Variants in MGAT4C observed in about 807,000 individuals in gnomAD.
MGAT4C encodes MGAT4 family member C.
MGAT4C carries 19 observed loss-of-function variants against 40.1 expected under a neutral mutation model. The observed-to-expected ratio is 0.47, with a 90% CI of 0.33 to 0.70. The LOEUF is 0.70. Among genes scored for constraint, MGAT4C ranks in the 30% least tolerant of loss-of-function variants. MGAT4C has a pLI of 0.02. For synonymous variants in MGAT4C, 181 were observed against 187.1 expected, an observed-to-expected ratio of 0.97 and a Z score of 0.27; for missense variants, 491 against 563.2, an observed-to-expected ratio of 0.87 and a Z score of 1.30.
At chr12:86,207,570 A>G (rs1950306535) in intron 1 of MGAT4C, among the ~76,000 whole-genome samples, 1 of 65,142 alleles carries the variant, frequency 1.5e-5, no homozygotes, top group African/African-American at 4.1e-5. Context: ...TCTAATGAAG[A>G]AGGAGAAAGG....
At chr12:86,489,089 CTGTGCCTATCT>C (rs1958079436) in intron 2 of MGAT4C, among the ~76,000 whole-genome samples, 1 of 152,134 alleles carries the variant, frequency 6.6e-6, no homozygotes, top group South Asian at 2.1e-4. Flanking sequence ...ACAGCCTGCC[CTGTGCCTATCT>C]TGTGCCTATA....
chr12:86,013,389 C>T (rs1173259397), intron 2 of MGAT4C, among the ~76,000 whole-genome samples: 1 of 152,070 alleles, frequency 6.6e-6, no homozygotes, highest in Non-Finnish European at 1.5e-5. Flanking sequence ...CTACAGGCGC[C>T]TGCCACCACG....
chr12:86,038,387 G>T (rs1269574167), intron 2 of MGAT4C, among the ~76,000 whole-genome samples: 1 of 149,336 alleles, frequency 6.7e-6, no homozygotes, highest in Non-Finnish European at 1.5e-5. Context: ...AAGTCTCTTT[G>T]TAGGTCTCTA....
At chr12:86,081,225 A>G (rs1199884046) in intron 1 of MGAT4C, among the ~76,000 whole-genome samples, 2 of 152,202 alleles carry the variant, frequency 1.3e-5, no homozygotes, top group African/African-American at 4.8e-5. Flanking sequence ...TTTGCTCCCA[A>G]GATGCATCCT....
intron 3 of MGAT4C, among the ~76,000 whole-genome samples, chr12:86,396,212 C>T (rs1332122715): frequency 6.6e-6 from 1 of 152,082 alleles, no homozygotes; most frequent in East Asian, 1.9e-4. Flanking sequence ...AATATTGATA[C>T]CCAGGCTCCA....
chr12:86,444,104 A>T (rs1957290545), intron 2 of MGAT4C, among the ~76,000 whole-genome samples: 1 of 152,100 alleles, frequency 6.6e-6, no homozygotes, highest in Non-Finnish European at 1.5e-5. Flanking sequence ...CAAAATATTT[A>T]TTTTCTCATT....
chr12:86,378,957 C>A (rs1382739644), intron 3 of MGAT4C, among the ~76,000 whole-genome samples: 2 of 152,022 alleles, frequency 1.3e-5, no homozygotes, highest in Non-Finnish European at 2.9e-5. Context: ...TATTGGAGCT[C>A]TTAGAATCAA....
At chr12:86,135,401 A>G (rs1157618230) in intron 1 of MGAT4C, among the ~76,000 whole-genome samples, 1 of 152,106 alleles carries the variant, frequency 6.6e-6, no homozygotes, top group African/African-American at 2.4e-5. Flanking sequence ...TTCAGTTCAA[A>G]TTTCAAATTC....
intron 1 of MGAT4C, among the ~76,000 whole-genome samples, chr12:86,149,955 G>C (rs1325130541): frequency 6.6e-6 from 1 of 152,122 alleles, no homozygotes; most frequent in African/African-American, 2.4e-5. Context: ...TCATTTCACT[G>C]TATTTGTGCA....
chr12:85,985,143 T>G (rs982141822), intron 3 of MGAT4C, among the ~76,000 whole-genome samples: 3 of 152,202 alleles, frequency 2.0e-5, no homozygotes, highest in African/African-American at 7.2e-5. Flanking sequence ...TATAAGACTG[T>G]AGAGAAAGTA....
intron 2 of MGAT4C, among the ~76,000 whole-genome samples, chr12:86,452,177 A>G: frequency 6.7e-6 from 1 of 150,048 alleles, no homozygotes; most frequent in Non-Finnish European, 1.5e-5. Flanking sequence ...AGTACTAACT[A>G]GGGCCATTCT....
At chr12:86,624,956 T>A (rs763221069) in intron 2 of MGAT4C, among the ~76,000 whole-genome samples, 1 of 152,026 alleles carries the variant, frequency 6.6e-6, no homozygotes, top group African/African-American at 2.4e-5. Flanking sequence ...ATCCTGATAA[T>A]CCCCACGTGT....
chr12:86,264,378 GTGTT>G (rs373593829), intron 4 of MGAT4C, among the ~76,000 whole-genome samples: 45 of 152,202 alleles, frequency 3.0e-4, no homozygotes, highest in African/African-American at 9.9e-4. Context: ...GATAGGAGCC[GTGTT>G]TGTTTGTTTT....
chr12:86,262,285 C>T (rs1592610982), intron 4 of MGAT4C, among the ~76,000 whole-genome samples: 1 of 152,120 alleles, frequency 6.6e-6, no homozygotes, highest in Non-Finnish European at 1.5e-5. Flanking sequence ...ACTCCTTATT[C>T]TCACATGTCA....
chr12:86,450,764 T>C (rs74867440), intron 2 of MGAT4C, among the ~76,000 whole-genome samples: 4,154 of 106,996 alleles, frequency 0.039, 158 homozygotes, highest in African/African-American at 0.11. Context: ...CATTTATCTG[T>C]ATGTATGAAT....
intron 2 of MGAT4C, among the ~76,000 whole-genome samples, chr12:86,588,826 C>T (rs1019948598): frequency 1.1e-4 from 17 of 151,758 alleles, no homozygotes; most frequent in Non-Finnish European, 1.6e-4. Context: ...GAAATGAAGG[C>T]AGAAATAAAG....
At chr12:86,254,354 A>G (rs895124625) in intron 1 of MGAT4C, among the ~76,000 whole-genome samples, 1 of 152,072 alleles carries the variant, frequency 6.6e-6, no homozygotes, top group Non-Finnish European at 1.5e-5. Flanking sequence ...GTCACCATCA[A>G]TGTAGTGCAT....
intron 2 of MGAT4C, among the ~76,000 whole-genome samples, chr12:86,667,414 C>T (rs541534827): frequency 6.6e-6 from 1 of 152,060 alleles, no homozygotes; most frequent in Non-Finnish European, 1.5e-5. Flanking sequence ...AAATACAGAC[C>T]TAGATGGAAA....
chr12:85,995,952 G>A (rs1886575930), intron 2 of MGAT4C, among the ~76,000 whole-genome samples: 3 of 152,184 alleles, frequency 2.0e-5, no homozygotes, highest in Admixed American at 2.0e-4. Context: ...CTGTCCTAAT[G>A]AAAGCTTAAC....
Sources: gnomAD v4.1 joint callset for allele counts (sites outside exome capture counted in the v4.1 genomes callset) on GRCh38, gnomAD v4.1.1 for gene constraint, MANE v1.5 for transcripts, NCBI Gene and HGNC (gene_info 2026-07-23, HGNC 2026-07-21) for gene names.